CCDC57: variants seen among roughly 807,000 people sequenced by gnomAD.
CCDC57 encodes the protein coiled-coil domain-containing protein 57.
Under a neutral mutation model 118.9 loss-of-function variants are expected in CCDC57, and 118 were observed. That is an observed-to-expected ratio of 0.99 (90% CI 0.86 to 1.16). CCDC57 has a LOEUF of 1.16. Ranked by LOEUF, CCDC57 falls within the 50% of genes most tolerant of loss-of-function variation. The pLI is 0.00. For missense variants in CCDC57, 1,300 were observed against 1,320.7 expected, an observed-to-expected ratio of 0.98 and a Z score of 0.24; for synonymous variants, 527 against 532.9, an observed-to-expected ratio of 0.99 and a Z score of 0.15.
chr17:82,154,122 T>G (rs1448210689), intron 15 of CCDC57: 1 of 152,266 alleles, frequency 6.6e-6, no homozygotes, highest in Non-Finnish European at 1.5e-5. Flanking sequence ...TGGGGGAAGT[T>G]TTGTATTTTA....
At chr17:82,133,694 C>T (rs954623493) in intron 17 of CCDC57, among the ~76,000 whole-genome samples, 4 of 151,842 alleles carry the variant, frequency 2.6e-5, no homozygotes, top group African/African-American at 9.7e-5. Flanking sequence ...AACCCCATCT[C>T]TACTAAAAAT....
intron 19 of CCDC57, chr17:82,126,553 T>C (rs36046026): frequency 0.2 from 196,110 of 984,834 alleles, 21,042 homozygotes; most frequent in East Asian, 0.43. Flanking sequence ...CACACGAAGA[T>C]GCACGACCTC....
At chr17:82,113,851 C>A in intron 19 of CCDC57, 1 of 586,652 alleles carries the variant, frequency 1.7e-6, no homozygotes, top group Non-Finnish European at 3.0e-6. Context: ...GAGACAAAGG[C>A]AGGAGGATCA....
In CCDC57 at chr17:82,205,230, C is replaced by T. The variant is rs745803982; in HGVS notation, c.-9+2617G>A. ...ACACAGTGCCCGTGAGTCATGACAA[C>T]GGTTCTCTGCAGAGCCTGAGGTCTG... On this transcript the variant is annotated intron_variant, in intron 2 of 19. Coordinates refer to ENST00000665763, the Ensembl canonical transcript of CCDC57. 3.9e-5 allele frequency among the ~76,000 whole-genome samples: 6 copies of T among 152,338 alleles called. No individual in the cohort carries two copies. In the East Asian group the frequency reaches 5.8e-4, roughly 15 times the overall value.
intron 8 of CCDC57, chr17:82,185,067 G>C (rs928383562): frequency 6.6e-6 from 1 of 152,406 alleles, no homozygotes; most frequent in African/African-American, 2.4e-5. Flanking sequence ...ACTCTGCCTG[G>C]GGCCTCCTGG....
chr17:82,186,230 T>C (rs1036537634), intron 8 of CCDC57, among the ~76,000 whole-genome samples: 4 of 152,314 alleles, frequency 2.6e-5, no homozygotes, highest in Admixed American at 2.6e-4. Context: ...AGTCTGTTTC[T>C]TACTACCAAA....
chr17:82,181,764 T>C (rs2046234947), intron 9 of CCDC57, among the ~76,000 whole-genome samples: 1 of 152,254 alleles, frequency 6.6e-6, no homozygotes, highest in African/African-American at 2.4e-5. Flanking sequence ...TATTGTAATA[T>C]GTGCTGTTTT....
chr17:82,142,013 A>C (rs1295589825), intron 16 of CCDC57, among the ~76,000 whole-genome samples: 2 of 152,064 alleles, frequency 1.3e-5, no homozygotes, highest in African/African-American at 4.8e-5. Flanking sequence ...CCTCCATCTG[A>C]AACTCGATTC....
At position 82,184,031 on chromosome 17, in the gene CCDC57, G is replaced by GCGCACA; in HGVS notation, c.1053-100_1053-99insTGTGCG. 3.8e-3 allele frequency: 496 copies of GCGCACA among 131,810 alleles called. 10 individuals are homozygous for GCGCACA. Among genetic ancestry groups the GCGCACA allele is most frequent in the African/African-American group, 6.0e-3 (142 of 23,720 alleles). The allele number at this position is 131,810 out of a possible 1,614,324, so 8.2% of individuals were successfully genotyped here. ...CAAATACACATGCGCGCGCGCGCGC[G>GCGCACA]CACACACACACACACACACACACAC... is the stretch of plus-strand genomic sequence containing the variant. On this transcript the variant is annotated intron_variant, in intron 8 of 19. Transcript: ENST00000665763.
chr17:82,127,478 A>G (rs1186907337), intron 19 of CCDC57: 3 of 985,298 alleles, frequency 3.0e-6, no homozygotes, highest in Non-Finnish European at 2.4e-6. Context: ...AGGAAATGGC[A>G]TGGTTTCTGC....
chr17:82,134,089 G>C, exon 17 of CCDC57: 1 of 1,415,714 alleles, frequency 7.1e-7, no homozygotes, highest in Non-Finnish European at 9.2e-7. Context: ...TGTAAAATGG[G>C]GCTGCACCTG....
chr17:82,171,889 A>AAT (rs778037657), intron 12 of CCDC57, 36 bp from the exon 12 acceptor site: 6 of 1,594,108 alleles, frequency 3.8e-6, no homozygotes, highest in Non-Finnish European at 3.4e-6. Flanking sequence ...TAACACATAC[A>AAT]CAGCATCCTT....
At chr17:82,146,370 AT>A (rs1415898167) in intron 16 of CCDC57, among the ~76,000 whole-genome samples, 2 of 152,000 alleles carry the variant, frequency 1.3e-5, no homozygotes, top group Admixed American at 6.6e-5. Context: ...CATCTTTTTT[AT>A]TTTTTTAAAT....
intron 15 of CCDC57, 58 bp downstream of exon 14, chr17:82,157,690 G>T: frequency 6.5e-7 from 1 of 1,531,490 alleles, no homozygotes; most frequent in South Asian, 1.2e-5. Flanking sequence ...GCACAGGCAA[G>T]GACGGTTTCT....
chr17:82,195,663 C>T (rs563421012), intron 4 of CCDC57, among the ~76,000 whole-genome samples: 3 of 152,204 alleles, frequency 2.0e-5, no homozygotes, highest in Admixed American at 2.0e-4. Flanking sequence ...TCCATTGAGT[C>T]AATTCTACCT....
intron 16 of CCDC57, among the ~76,000 whole-genome samples, chr17:82,147,458 T>C (rs1432417422): frequency 1.4e-5 from 2 of 144,670 alleles, no homozygotes; most frequent in Non-Finnish European, 3.0e-5. Flanking sequence ...GTTGGATGGA[T>C]AGATGGATAG....
chr17:82,129,258 G>A (rs368753656), intron 17 of CCDC57, among the ~76,000 whole-genome samples: 37 of 152,196 alleles, frequency 2.4e-4, no homozygotes, highest in Non-Finnish European at 4.3e-4. Flanking sequence ...GCCTCTGCCC[G>A]CCCCATGCCT....
chr17:82,125,845 CTG>C (rs1271929308), intron 19 of CCDC57, among the ~76,000 whole-genome samples: 1 of 152,194 alleles, frequency 6.6e-6, no homozygotes, highest in East Asian at 1.9e-4. Context: ...TGTGAACAGA[CTG>C]AGAGTGGCCG....
At chr17:82,162,102 C>T (rs1245590724) in intron 14 of CCDC57, among the ~76,000 whole-genome samples, 7 of 152,228 alleles carry the variant, frequency 4.6e-5, no homozygotes, top group African/African-American at 1.2e-4. Context: ...TGGGTTCAAG[C>T]GATTCTCCCA....
Sources: allele counts gnomAD v4.1 joint callset (sites outside exome capture counted in the v4.1 genomes callset), GRCh38; gene constraint gnomAD v4.1.1; transcripts MANE v1.5; gene names NCBI Gene and HGNC (gene_info 2026-07-23, HGNC 2026-07-21).